BIRC6: variants seen among roughly 807,000 people sequenced by gnomAD.
BIRC6 encodes dual E2 ubiquitin-conjugating enzyme/E3 ubiquitin-protein ligase BIRC6.
Under a neutral mutation model 503.3 loss-of-function variants are expected in BIRC6, and 98 were observed. The ratio of observed to expected loss-of-function variants is 0.19; its 90% CI spans 0.17 to 0.23. The LOEUF (loss-of-function observed/expected upper bound fraction) is 0.23. Among genes scored for constraint, BIRC6 ranks in the 10% least tolerant of loss-of-function variants. The pLI, the probability that BIRC6 is intolerant of heterozygous loss-of-function variation, is 1.00. For synonymous variants in BIRC6, 2,240 were observed against 2,078.7 expected (o/e 1.08, Z -2.11); for missense variants, 5,360 against 5,806.0 (o/e 0.92, Z 2.50).
At chr2:32,422,916 G>T (rs2043090363) in intron 10 of BIRC6, among the ~76,000 whole-genome samples, 1 of 151,860 alleles carries the variant, frequency 6.6e-6, no homozygotes. Flanking sequence ...TAAGTTCCTT[G>T]GTGCACATAT....
At chr2:32,424,821 A>G (rs897652075) in intron 10 of BIRC6, among the ~76,000 whole-genome samples, 2 of 151,898 alleles carry the variant, frequency 1.3e-5, no homozygotes, top group African/African-American at 4.8e-5. Flanking sequence ...CCTATGTTTA[A>G]CCTTTTGAGA....
intron 63 of BIRC6, among the ~76,000 whole-genome samples, chr2:32,547,550 A>C (rs1374626462): frequency 6.6e-6 from 1 of 152,140 alleles, no homozygotes; most frequent in African/African-American, 2.4e-5. Flanking sequence ...ATTTCTTCTT[A>C]TGGCTCAATA....
intron 69 of BIRC6, among the ~76,000 whole-genome samples, chr2:32,599,021 CAAAAAAAA>C (rs35744882): frequency 1.4e-4 from 4 of 27,812 alleles, no homozygotes; most frequent in African/African-American, 3.1e-4. Context: ...AACTCCATCT[CAAAAAAAA>C]AAAAAAAAAA....
At chr2:32,431,305 C>T (rs968662822) in intron 12 of BIRC6, among the ~76,000 whole-genome samples, 2 of 140,882 alleles carry the variant, frequency 1.4e-5, no homozygotes, top group African/African-American at 2.6e-5. Flanking sequence ...AAGTGATTCT[C>T]CTGCCTCAGC....
At chr2:32,447,219 C>G (rs1467684344) in intron 21 of BIRC6, among the ~76,000 whole-genome samples, 5 of 148,990 alleles carry the variant, frequency 3.4e-5, no homozygotes, top group African/African-American at 1.2e-4. Context: ...CCTTTCTATT[C>G]CACAAAACCG....
intron 68 of BIRC6, 112 bp from the exon 69 acceptor site, chr2:32,597,639 T>C: frequency 1.4e-6 from 1 of 737,054 alleles, no homozygotes; most frequent in South Asian, 1.8e-5. Flanking sequence ...TATTCTTCCA[T>C]GGTTGGAAGT....
At chr2:32,369,976 ATATATATATG>A (rs1243043024) in intron 1 of BIRC6, among the ~76,000 whole-genome samples, 1,639 of 59,954 alleles carry the variant, frequency 0.027, 56 homozygotes, top group South Asian at 0.036. Flanking sequence ...ATATATATAT[ATATATATATG>A]TATGTATGTA....
chr2:32,478,882 C>A, intron 36 of BIRC6, 64 bp downstream of exon 36: 1 of 1,508,190 alleles, frequency 6.6e-7, no homozygotes, highest in Non-Finnish European at 9.1e-7. Context: ...AACTAAGAAT[C>A]TTCAAAGGGA....
intron 53 of BIRC6, 123 bp from the exon 54 acceptor site, chr2:32,512,810 C>CA: frequency 1.4e-6 from 1 of 709,406 alleles, no homozygotes; most frequent in Non-Finnish European, 2.3e-6. Flanking sequence ...TTAAAATAAT[C>CA]AAAAACAATT....
Position 32,459,595 on chromosome 2 carries a change from G to A in BIRC6, c.4754-3599G>A, listed in dbSNP as rs577452886. Among the ~76,000 whole-genome samples the A allele has an allele frequency of 3.9e-5, 6 of 151,974 alleles. No homozygotes were observed. The South Asian group carries it at 1.2e-3, about 32-fold the overall frequency. ...AAAATACTTGTTTTTAAAATTTAGG[G>A]CCTTTATGTAAATCAGTTTAGGAGA... On this transcript the variant is annotated intron_variant, in intron 23 of 73. Coordinates refer to ENST00000421745, the MANE Select transcript of BIRC6 (RefSeq NM_016252.4).
chr2:32,463,269 G>T lies in BIRC6; in HGVS notation c.4829G>T (p.Ser1610Ile), dbSNP rs1486736229. 6 of 1,613,814 alleles carry T rather than the reference G, an allele frequency of 3.7e-6. No homozygotes were observed. The highest frequency in any genetic ancestry group is 5.1e-6 in the Non-Finnish European group (6 of 1,179,824). ...GTVGEASTAL[S>I]SAAQVALQSL... ...GTTGGGGAAGCCTCGACAGCCCTGA[G>T]TTCAGCAGCCCAGGTAGCTTTGCAG... Residue 1610 changes from serine to isoleucine, a missense_variant, in exon 24 of 74, where the codon AGT (serine) becomes ATT (isoleucine). By Grantham distance (142) the Ser-to-Ile change is moderately radical. Around this residue, in one of 16 missense-constraint regions of BIRC6, gnomAD observed 2,299 missense variants for 2,267.2 expected, o/e 1.01. Transcript: ENST00000421745.
intron 65 of BIRC6, among the ~76,000 whole-genome samples, chr2:32,568,558 T>C (rs2059695532): frequency 6.6e-6 from 1 of 151,606 alleles, no homozygotes; most frequent in African/African-American, 2.4e-5. Flanking sequence ...AAGTTCACCT[T>C]TTTTGGCTGG....
At chr2:32,419,273 C>T (rs952667712) in intron 10 of BIRC6, among the ~76,000 whole-genome samples, 2 of 152,082 alleles carry the variant, frequency 1.3e-5, no homozygotes, top group Non-Finnish European at 1.5e-5. Flanking sequence ...ATTCAAATAA[C>T]ATAAAACTAT....
intron 15 of BIRC6, among the ~76,000 whole-genome samples, chr2:32,436,448 A>G (rs1312647392): frequency 2.0e-5 from 3 of 152,208 alleles, no homozygotes; most frequent in African/African-American, 7.2e-5. Context: ...TTAGTGTGAC[A>G]TAACAGAGCT....
At position 32,515,716 on chromosome 2, in the gene BIRC6, G is replaced by A. The variant is rs371274962; in HGVS notation, c.11295G>A (p.Ala3765=). 1.4e-5 allele frequency: 23 copies of A among 1,601,738 alleles called. No homozygotes were observed. Among genetic ancestry groups the A allele is most frequent in the Admixed American group, 1.3e-4 (8 of 59,988 alleles). Residue 3765 remains alanine, a synonymous_variant, in exon 55 of 74, where the codon GCG becomes GCA. Transcript: ENST00000421745. ...CAGCAATTGAGAATGCAACTGTTGC[G>A]TTCTTTCTACAGTGCATTTCATGCC... ...QRTAIENATV[A]FFLQCISCHP...
Position 32,502,777 on chromosome 2 carries a change from G to A in BIRC6, c.9208-18G>A, listed in dbSNP as rs1177323343. 1 of 1,564,416 alleles carries A rather than the reference G, an allele frequency of 6.4e-7. No homozygotes were observed. The highest frequency in any genetic ancestry group is 8.8e-7 in the Non-Finnish European group (1 of 1,139,994). On this transcript the variant is annotated intron_variant, in intron 47 of 73. Transcript: ENST00000421745. ...ACAGGAATATATAAAGTCATAATATGCATATTTCATTTTTTAGGGCTCTCT... is the reference window on the plus strand; with the variant it reads ...ACAGGAATATATAAAGTCATAATATACATATTTCATTTTTTAGGGCTCTCT...
chr2:32,478,122 A>G (rs1031355522), intron 35 of BIRC6, among the ~76,000 whole-genome samples: 9 of 152,072 alleles, frequency 5.9e-5, no homozygotes, highest in African/African-American at 2.2e-4. Context: ...GCGGATCACA[A>G]GTTGAAGAGA....
At chr2:32,612,383 C>T (rs1261747161) in intron 73 of BIRC6, among the ~76,000 whole-genome samples, 1 of 152,038 alleles carries the variant, frequency 6.6e-6, no homozygotes, top group Non-Finnish European at 1.5e-5. Flanking sequence ...TGTCTACCCA[C>T]GGAGATCTTT....
At chr2:32,568,843 T>G (rs1216428114) in intron 65 of BIRC6, among the ~76,000 whole-genome samples, 1 of 147,308 alleles carries the variant, frequency 6.8e-6, no homozygotes, top group Non-Finnish European at 1.5e-5. Context: ...AAACTCAGTC[T>G]CAAAAAAAAA....
Sources: gnomAD v4.1 joint callset for allele counts (sites outside exome capture counted in the v4.1 genomes callset) on GRCh38, gnomAD v4.1.1 for gene constraint, gnomAD v4.1.1 regional missense constraint, MANE v1.5 for transcripts, NCBI Gene and HGNC (gene_info 2026-07-23, HGNC 2026-07-21) for gene names.